SDK1: variants seen among roughly 807,000 people sequenced by gnomAD.
SDK1 encodes the protein sidekick cell adhesion molecule 1, also known as protein sidekick-1.
A neutral mutation model predicts 245.5 loss-of-function variants in SDK1; 157 were observed. The observed-to-expected ratio is 0.64, with a 90% CI of 0.56 to 0.73. The LOEUF (loss-of-function observed/expected upper bound fraction) is 0.73, where lower values mean the gene tolerates loss of function less well. SDK1 is among the 30% of genes least tolerant of loss of function. The pLI, the probability that SDK1 is intolerant of heterozygous loss-of-function variation, is 0.00. For missense variants in SDK1, 3,583 were observed against 3,002.3 expected, an observed-to-expected ratio of 1.19 and a Z score of -4.52; for synonymous variants, 1,647 against 1,278.5, an observed-to-expected ratio of 1.29 and a Z score of -6.15.
chr7:4,065,545 T>C (rs537613378), intron 19 of SDK1, among the ~76,000 whole-genome samples: 1 of 152,290 alleles, frequency 6.6e-6, no homozygotes, highest in South Asian at 2.1e-4. Context: ...AGAATGTCTT[T>C]CTGGAGGCTC....
chr7:4,100,718 A>G (rs3903099), intron 22 of SDK1, among the ~76,000 whole-genome samples: 63,300 of 151,762 alleles, frequency 0.42, 13,546 homozygotes, highest in South Asian at 0.58. Flanking sequence ...TTGCTTGTAA[A>G]CCACCCAGTC....
chr7:3,792,281 A>AACCCCTTC (rs1035591341), intron 4 of SDK1, among the ~76,000 whole-genome samples: 1 of 151,982 alleles, frequency 6.6e-6, no homozygotes, highest in Non-Finnish European at 1.5e-5. Context: ...ATGGGTCCTG[A>AACCCCTTC]ACCCCTTCAC....
intron 19 of SDK1, among the ~76,000 whole-genome samples, chr7:4,057,993 A>C (rs190066095): frequency 1.3e-4 from 20 of 152,324 alleles, no homozygotes; most frequent in African/African-American, 4.6e-4. Flanking sequence ...CACAAGAAAT[A>C]TGAAAATGCA....
intron 17 of SDK1, among the ~76,000 whole-genome samples, chr7:4,025,786 G>C (rs913045516): frequency 4.6e-5 from 7 of 152,160 alleles, no homozygotes; most frequent in African/African-American, 1.7e-4. Flanking sequence ...CAGCACCATA[G>C]CCTGCCTTCT....
At chr7:3,569,148 A>G (rs2128628922) in intron 1 of SDK1, among the ~76,000 whole-genome samples, 1 of 152,296 alleles carries the variant, frequency 6.6e-6, no homozygotes, top group African/African-American at 2.4e-5. Context: ...TGTTTTAAAA[A>G]GTGTTTAAAG....
At chr7:3,646,972 T>A (rs6945355) in intron 4 of SDK1, among the ~76,000 whole-genome samples, 1 of 152,182 alleles carries the variant, frequency 6.6e-6, no homozygotes, top group South Asian at 2.1e-4. Context: ...TGGGGAGTTA[T>A]GTTTAATGGG....
intron 5 of SDK1, among the ~76,000 whole-genome samples, chr7:3,933,237 A>C (rs1174203602): frequency 7.0e-6 from 1 of 143,352 alleles, no homozygotes; most frequent in Non-Finnish European, 1.5e-5. Context: ...CAGACTCCTG[A>C]GTAGCTGGGA....
At chr7:4,053,961 C>T (rs1352227931) in intron 19 of SDK1, among the ~76,000 whole-genome samples, 1 of 151,920 alleles carries the variant, frequency 6.6e-6, no homozygotes, top group Non-Finnish European at 1.5e-5. Context: ...TGTTTTGAGA[C>T]AGAATCTTGC....
intron 5 of SDK1, among the ~76,000 whole-genome samples, chr7:3,933,234 C>A (rs1314990949): frequency 1.3e-5 from 2 of 149,736 alleles, no homozygotes; most frequent in Non-Finnish European, 3.0e-5. Flanking sequence ...TCTCAGACTC[C>A]TGAGTAGCTG....
intron 1 of SDK1, among the ~76,000 whole-genome samples, chr7:3,549,472 A>G (rs1178491107): frequency 6.6e-6 from 1 of 152,220 alleles, no homozygotes; most frequent in Non-Finnish European, 1.5e-5. Context: ...GCCAAAGGAA[A>G]ATAAAAGTAA....
intron 8 of SDK1, among the ~76,000 whole-genome samples, chr7:3,960,545 C>T (rs1430444846): frequency 6.6e-6 from 1 of 152,226 alleles, no homozygotes; most frequent in Non-Finnish European, 1.5e-5. Context: ...CCCTTCCAGT[C>T]CTGGTGGTAG....
intron 16 of SDK1, among the ~76,000 whole-genome samples, chr7:4,015,680 A>C (rs1786335846): frequency 6.6e-6 from 1 of 152,092 alleles, no homozygotes; most frequent in African/African-American, 2.4e-5. Flanking sequence ...AAGCCAAAAC[A>C]TGGTTTGATA....
Position 4,042,308 on chromosome 7 carries a change from G to C in SDK1, c.2603-7040G>C, listed in dbSNP as rs763130557. Among the ~76,000 whole-genome samples the C allele has an allele frequency of 9.6e-5, 13 of 135,694 alleles. 3 individuals are homozygous for C. Among genetic ancestry groups the C allele is most frequent in the Non-Finnish European group, 2.0e-4 (13 of 65,788 alleles). 89.0% of individuals were successfully genotyped at this position (135,694 alleles called of 152,430 possible). Reference sequence around the variant, plus strand: ...GAGAAACTGCTACTCTCTGATCCAGGTTTCACATATTTCCGTGGGATATAA... The same window carrying C: ...GAGAAACTGCTACTCTCTGATCCAGCTTTCACATATTTCCGTGGGATATAA... On this transcript the variant is annotated intron_variant, in intron 17 of 44. Transcript: ENST00000404826.
chr7:3,702,975 G>A (rs536639101), intron 4 of SDK1, among the ~76,000 whole-genome samples: 24 of 150,768 alleles, frequency 1.6e-4, no homozygotes, highest in African/African-American at 5.1e-4. Context: ...TGTTTCATGC[G>A]TTGCTGGTGG....
intron 5 of SDK1, among the ~76,000 whole-genome samples, chr7:3,903,587 G>A (rs959075125): frequency 4.8e-4 from 73 of 152,180 alleles, no homozygotes; most frequent in African/African-American, 1.7e-3. Context: ...GTTAAATACA[G>A]AGTTACTATA....
chr7:3,406,213 T>A (rs1779051473), intron 1 of SDK1, among the ~76,000 whole-genome samples: 2 of 152,242 alleles, frequency 1.3e-5, no homozygotes, highest in South Asian at 4.1e-4. Context: ...AAATGTGAAC[T>A]CCATTACCAT....
At chr7:3,958,233 A>G (rs1316657707) in intron 7 of SDK1, 1 of 280,724 alleles carries the variant, frequency 3.6e-6, no homozygotes, top group African/African-American at 2.3e-5. Flanking sequence ...ATACTTGACA[A>G]ACTTGGCCAT....
At chr7:3,813,278 C>G (rs1380157898) in intron 4 of SDK1, among the ~76,000 whole-genome samples, 1 of 132,578 alleles carries the variant, frequency 7.5e-6, no homozygotes, top group Non-Finnish European at 1.6e-5. Context: ...CACCCCACCA[C>G]AGTCCCCAGA....
At chr7:4,004,899 C>T (rs1388416049) in intron 14 of SDK1, among the ~76,000 whole-genome samples, 1 of 152,002 alleles carries the variant, frequency 6.6e-6, no homozygotes, top group Non-Finnish European at 1.5e-5. Context: ...TGTTTTGTGT[C>T]TCACTGTGTC....
Sources: allele counts gnomAD v4.1 joint callset (sites outside exome capture counted in the v4.1 genomes callset), GRCh38; gene constraint gnomAD v4.1.1; transcripts MANE v1.5; gene names NCBI Gene and HGNC (gene_info 2026-07-23, HGNC 2026-07-21).